The following SBNO2 variants were observed in gnomAD, a reference collection of about 807,000 sequenced individuals.
SBNO2 encodes strawberry notch homolog 2.
SBNO2 carries 89 observed loss-of-function variants against 146.3 expected under a neutral mutation model. The ratio of observed to expected loss-of-function variants is 0.61; its 90% CI spans 0.51 to 0.73. The LOEUF is 0.73. Among genes scored for constraint, SBNO2 ranks in the 30% least tolerant of loss-of-function variants. SBNO2 has a pLI of 0.00. For synonymous variants in SBNO2, 1,147 were observed against 892.6 expected, an observed-to-expected ratio of 1.29 and a Z score of -5.08; for missense variants, 2,092 against 2,003.7, an observed-to-expected ratio of 1.04 and a Z score of -0.84.
chr19:1,144,153 T>C lies in SBNO2; in HGVS notation c.279+3156A>G, dbSNP rs140679035. Among the ~76,000 whole-genome samples the C allele has an allele frequency of 0.014, 1,996 of 147,100 alleles. 27 individuals carry two copies. Among genetic ancestry groups the C allele is most frequent in the Non-Finnish European group, 0.022 (1,453 of 66,388 alleles). On this transcript the variant is annotated intron_variant, in intron 4 of 31. Coordinates refer to ENST00000361757, the MANE Select transcript of SBNO2 (RefSeq NM_014963.3). The surrounding 1 kb of genome is among the most constrained non-coding windows in gnomAD (Gnocchi z 4.1). ...ACTCATACCCGTCCCGTCCCACACT[T>C]GGCACCGCGGGACCACGCATCCCGT... is the stretch of plus-strand genomic sequence containing the variant.
intron 1 of SBNO2, among the ~76,000 whole-genome samples, chr19:1,170,129 G>A (rs555830424): frequency 5.3e-5 from 8 of 152,346 alleles, no homozygotes; most frequent in East Asian, 1.9e-4. Context: ...CATGCCGGGC[G>A]CACAGACGAC....
chr19:1,112,674 A>C lies in SBNO2; in HGVS notation c.2380-137T>G, dbSNP rs980882295. 1 of 1,427,496 alleles carries C rather than the reference A, an allele frequency of 7.0e-7. No homozygotes were observed. The highest frequency in any genetic ancestry group is 9.2e-7 in the Non-Finnish European group (1 of 1,081,430). The allele number at this position is 1,427,496 out of a possible 1,614,324, so 88.4% of individuals were successfully genotyped here. ...AGCGAGAGGCCTGCGGGGCGCGGAC[A>C]CCACCCGCCACACGGCCACTCGCGC... On this transcript the variant is annotated intron_variant, in intron 20 of 31. Coordinates refer to ENST00000361757, the MANE Select transcript of SBNO2 (RefSeq NM_014963.3). This position sits in a 1 kb window ranked among gnomAD's most constrained non-coding sequence, Gnocchi z 5.9.
chr19:1,154,606 C>A (rs1407299038), intron 1 of SBNO2, among the ~76,000 whole-genome samples: 4 of 152,202 alleles, frequency 2.6e-5, no homozygotes, highest in African/African-American at 9.7e-5. Context: ...TTGTGCTGCC[C>A]ACAGCGCCTT....
At chr19:1,166,514 C>T (rs2080426409) in intron 1 of SBNO2, among the ~76,000 whole-genome samples, 2 of 152,058 alleles carry the variant, frequency 1.3e-5, no homozygotes, top group South Asian at 4.1e-4. Context: ...TCTTTTGGGG[C>T]CAGTGCGGTG....
Position 1,127,824 on chromosome 19 carries a change from G to A in SBNO2, c.280-59C>T, listed in dbSNP as rs956506398. On this transcript the variant is annotated intron_variant, in intron 4 of 31. Coordinates refer to ENST00000361757, the MANE Select transcript of SBNO2 (RefSeq NM_014963.3). ...ACGGGAGACACCAAGGCCCCTCCAC[G>A]CACTGGAGCACGTGGGGATGGGAGA... The A allele has an allele frequency of 2.4e-5, 37 of 1,525,550 alleles. No individual in the cohort carries two copies. In the Middle Eastern group the frequency reaches 5.2e-4, roughly 21 times the overall value. 94.5% of individuals were successfully genotyped at this position (1,525,550 alleles called of 1,614,324 possible). A position where few individuals can be genotyped will look rare whatever the true frequency, so the allele number is the denominator to read the frequency against.
At chr19:1,125,628 G>C (rs187327486) in intron 5 of SBNO2, among the ~76,000 whole-genome samples, 18 of 151,284 alleles carry the variant, frequency 1.2e-4, no homozygotes, top group African/African-American at 4.4e-4. Context: ...AGCTGAGATC[G>C]CACCACTGCA....
At chr19:1,164,524 C>CAGG (rs1208873405) in intron 1 of SBNO2, among the ~76,000 whole-genome samples, 7 of 21,944 alleles carry the variant, frequency 3.2e-4, no homozygotes, top group Admixed American at 5.3e-4. Flanking sequence ...GGAGGAGGAA[C>CAGG]AGGAGGAGGA....
rs1461723573 is a variant in SBNO2 at position 1,109,010 on chromosome 19, G to A, written c.3426-41C>T. On this transcript the variant is annotated intron_variant, in intron 30 of 31. Transcript: ENST00000361757. This position sits in a 1 kb window ranked among gnomAD's most constrained non-coding sequence, Gnocchi z 4.2. ...GTCGTCTCGGCTCAGGCGGGTCCCAGGGGCCCGCAGGCTCCCCAGGTGCCC... is the reference window on the plus strand; with the variant it reads ...GTCGTCTCGGCTCAGGCGGGTCCCAAGGGCCCGCAGGCTCCCCAGGTGCCC... 1 of 1,487,286 alleles carries A rather than the reference G, an allele frequency of 6.7e-7. No individual in the cohort carries two copies. The highest frequency in any genetic ancestry group is 1.3e-5 in the South Asian group (1 of 76,456). 92.1% of individuals were successfully genotyped at this position (1,487,286 alleles called of 1,614,324 possible).
chr19:1,171,980 G>T (rs1414171324), intron 1 of SBNO2, among the ~76,000 whole-genome samples: 1 of 152,180 alleles, frequency 6.6e-6, no homozygotes, highest in Non-Finnish European at 1.5e-5. Context: ...AACTGAGAGT[G>T]AATGGATGAG....
At position 1,122,196 on chromosome 19, in the gene SBNO2, C is replaced by T; in HGVS notation, c.1092G>A (p.Gln364=). The change falls in exon 11 of 32, where the codon CAG becomes CAA. Residue 364 remains glutamine (Q), a synonymous_variant. Coordinates refer to ENST00000361757, the MANE Select transcript of SBNO2 (RefSeq NM_014963.3). ...ALIGESQAGG[Q]HRTRLRQILD... ...GGATCTGCCGGAGGCGAGTGCGGTGCTGGCCGCCGGCCTGGCTCTCCCCAA... is the reference window on the plus strand; with the variant it reads ...GGATCTGCCGGAGGCGAGTGCGGTGTTGGCCGCCGGCCTGGCTCTCCCCAA... 4 of 1,552,818 alleles carry T rather than the reference C, an allele frequency of 2.6e-6. No individual in the cohort carries two copies. Among genetic ancestry groups the T allele is most frequent in the South Asian group, 2.4e-5 (2 of 83,510 alleles).
chr19:1,139,815 C>T (rs555292210), intron 4 of SBNO2, among the ~76,000 whole-genome samples: 7 of 151,722 alleles, frequency 4.6e-5, no homozygotes, highest in South Asian at 2.1e-4. Context: ...AAATATGGTG[C>T]GCGTCTGTAA....
Position 1,107,996 on chromosome 19 carries a change from G to T in SBNO2, c.*224C>A. The T allele has an allele frequency of 2.9e-6, 1 of 349,420 alleles. No individual in the cohort carries two copies. 21.6% of individuals were successfully genotyped at this position (349,420 alleles called of 1,614,324 possible). A position where few individuals can be genotyped will look rare whatever the true frequency, so the allele number is the denominator to read the frequency against. On this transcript the variant is annotated 3_prime_UTR_variant, in exon 32 of 32. Transcript: ENST00000361757. ...CCCGGAGCCCCTTCCTACTTGGGAG[G>T]AGAGGCACAGAGAGGGCCCTGCCAC...
chr19:1,112,884 T>C lies in SBNO2; in HGVS notation c.2313A>G (p.Ala771=). The change falls in exon 20 of 32, where the codon GCA becomes GCG. Residue 771 remains alanine (A), a synonymous_variant. Transcript: ENST00000361757. This position sits in a 1 kb window ranked among gnomAD's most constrained non-coding sequence, Gnocchi z 5.9. The part of the protein sequence containing the change: ...PDGTVAFESR[A]EQGLSIDHVN... Reference sequence around the variant, plus strand: ...CGTGGTCGATGGACAGACCCTGCTCTGCCCGCGACTCGAAGGCCACCGTCC... The same window carrying C: ...CGTGGTCGATGGACAGACCCTGCTCCGCCCGCGACTCGAAGGCCACCGTCC... The C allele has an allele frequency of 1.3e-6, 2 of 1,572,588 alleles. No individual in the cohort carries two copies. The highest frequency in any genetic ancestry group is 1.7e-6 in the Non-Finnish European group (2 of 1,160,502).
chr19:1,109,081 CGCCTGGGTCGCCGCCATCT>C lies in SBNO2; in HGVS notation c.3425+35_3425+53del. 6.5e-7 allele frequency: 1 copy of C among 1,538,560 alleles called. No homozygotes were observed. ...CAGGGTCTCGGGAGCCCCCGATCCC[CGCCTGGGTCGCCGCCATCT>C]GCCGGTTTCCCCCTGGTCCCCGGCC... On this transcript the variant is annotated intron_variant, in intron 30 of 31. Transcript: ENST00000361757. The surrounding 1 kb of genome is among the most constrained non-coding windows in gnomAD (Gnocchi z 4.2).
rs774031755 is a variant in SBNO2 at position 1,120,164 on chromosome 19, C to T, written c.1150-141G>A. 63 of 622,926 alleles carry T rather than the reference C, an allele frequency of 1.0e-4. 1 individual carries two copies. The highest frequency in any genetic ancestry group is 7.0e-4 in the Admixed American group (24 of 34,386). 38.6% of individuals were successfully genotyped at this position (622,926 alleles called of 1,614,324 possible). A position where few individuals can be genotyped will look rare whatever the true frequency, so the allele number is the denominator to read the frequency against. ...AGAACTCCACGAGGGAAGCCCAGGT[C>T]GGAGTGGCAGCCGGCTACCATGGGG... is the stretch of plus-strand genomic sequence containing the variant. On this transcript the variant is annotated intron_variant, in intron 11 of 31. Transcript: ENST00000361757.
rs1375700096 is a variant in SBNO2, at chr19:1,112,635, G to C, written c.2380-98C>G. Reference sequence around the variant, plus strand: ...ACTAGGCCCCCGCTCCAGGTCACCAGGACGTCCCGGGGCAGCGAGAGGCCT... The same window carrying C: ...ACTAGGCCCCCGCTCCAGGTCACCACGACGTCCCGGGGCAGCGAGAGGCCT... On this transcript the variant is annotated intron_variant, in intron 20 of 31. Coordinates refer to ENST00000361757, the MANE Select transcript of SBNO2 (RefSeq NM_014963.3). This position sits in a 1 kb window ranked among gnomAD's most constrained non-coding sequence, Gnocchi z 5.9. 5 of 1,463,092 alleles carry C rather than the reference G, an allele frequency of 3.4e-6. No individual in the cohort carries two copies. The highest frequency in any genetic ancestry group is 4.5e-6 in the Non-Finnish European group (5 of 1,108,364). 90.6% of individuals were successfully genotyped at this position (1,463,092 alleles called of 1,614,324 possible).
chr19:1,119,475 A>T, intron 13 of SBNO2, 41 bp downstream of exon 13: 1 of 977,842 alleles, frequency 1.0e-6, no homozygotes, highest in Non-Finnish European at 1.6e-6. Flanking sequence ...CCTCCTCCCC[A>T]CCCCCCGCCG....
intron 4 of SBNO2, among the ~76,000 whole-genome samples, chr19:1,133,629 C>T (rs1474439414): frequency 6.6e-6 from 1 of 152,196 alleles, no homozygotes; most frequent in Non-Finnish European, 1.5e-5. Context: ...GCGAGGGGCC[C>T]GCCTGCCAGG....
intron 3 of SBNO2, among the ~76,000 whole-genome samples, chr19:1,148,116 C>T (rs1045874024): frequency 2.0e-5 from 3 of 152,204 alleles, no homozygotes; most frequent in African/African-American, 2.4e-5. Context: ...CCCAGGCTCT[C>T]CCTCCAGAAG....
Sources: gnomAD v4.1 joint callset for allele counts (sites outside exome capture counted in the v4.1 genomes callset) on GRCh38, gnomAD v4.1.1 for gene constraint, Gnocchi (gnomAD v3.1) non-coding constraint, MANE v1.5 for transcripts, NCBI Gene and HGNC (gene_info 2026-07-23, HGNC 2026-07-21) for gene names.